The following SPC25 variants were observed in gnomAD, a reference collection of about 807,000 sequenced individuals.
SPC25 encodes the protein kinetochore protein Spc25.
In SPC25, 22 loss-of-function variants were observed where a neutral mutation model predicts 29.6. The ratio of observed to expected loss-of-function variants is 0.74; its 90% CI spans 0.53 to 1.06. The LOEUF is 1.06. Ranked by LOEUF, SPC25 falls within the 50% of genes least tolerant of loss-of-function variation. The pLI, the probability that SPC25 is intolerant of heterozygous loss-of-function variation, is 0.00. For missense variants in SPC25, 230 were observed against 255.8 expected (o/e 0.90, Z 0.69); for synonymous variants, 91 against 90.4 (o/e 1.01, Z -0.04).
chr2:168,863,916 TA>T (rs1392346610), intron 4 of SPC25, among the ~76,000 whole-genome samples: 1 of 151,516 alleles, frequency 6.6e-6, no homozygotes, highest in Non-Finnish European at 1.5e-5. Flanking sequence ...GATCTTTTTT[TA>T]TTTTTTTTTT....
At chr2:168,874,538 T>C (rs1463683384) in intron 5 of SPC25, among the ~76,000 whole-genome samples, 1 of 152,046 alleles carries the variant, frequency 6.6e-6, no homozygotes, top group Non-Finnish European at 1.5e-5. Context: ...TGTTCAGCCA[T>C]AAAATGGAAT....
chr2:168,889,361 G>A (rs1168961832), intron 2 of SPC25, 26 bp downstream of exon 2: 1 of 1,613,622 alleles, frequency 6.2e-7, no homozygotes, highest in African/African-American at 1.3e-5. Flanking sequence ...AGCAAAACCA[G>A]CATGTTACAA....
At chr2:168,861,889 A>G in intron 4 of SPC25, 1 of 1,394,356 alleles carries the variant, frequency 7.2e-7, no homozygotes, top group Admixed American at 1.9e-5. Flanking sequence ...CTGTTAAATA[A>G]CCAAAGAGCT....
intron 6 of SPC25, among the ~76,000 whole-genome samples, chr2:168,871,796 T>C (rs1689996445): frequency 1.3e-5 from 2 of 152,144 alleles, no homozygotes; most frequent in Non-Finnish European, 2.9e-5. Flanking sequence ...TTTAAACAGA[T>C]GGCACTGAAG....
chr2:168,883,125 A>T (rs1690203024), intron 3 of SPC25, among the ~76,000 whole-genome samples: 2 of 152,084 alleles, frequency 1.3e-5, no homozygotes. Context: ...TCAATGGCTA[A>T]CAAGCAAATG....
chr2:168,881,875 T>C (rs559473264), intron 3 of SPC25, among the ~76,000 whole-genome samples: 1 of 152,340 alleles, frequency 6.6e-6, no homozygotes, highest in Non-Finnish European at 1.5e-5. Context: ...TACACTATGA[T>C]ATGTTTCCCA....
downstream of SPC25, among the ~76,000 whole-genome samples, chr2:168,868,666 A>T (rs1689917590): frequency 6.6e-6 from 1 of 152,234 alleles, no homozygotes; most frequent in African/African-American, 2.4e-5. Context: ...GAAGAAGTTG[A>T]ATCTCTGAAT....
intron 3 of SPC25, 72 bp downstream of exon 3, chr2:168,889,154 C>A: frequency 7.4e-7 from 1 of 1,345,384 alleles, no homozygotes; most frequent in Non-Finnish European, 1.0e-6. Context: ...CATTGTCTTA[C>A]TTGTATGAGA....
At chr2:168,866,319 C>T (rs1161086224), downstream of SPC25, among the ~76,000 whole-genome samples, 5 of 152,410 alleles carry the variant, frequency 3.3e-5, no homozygotes, top group Non-Finnish European at 7.3e-5. Flanking sequence ...CAGAAATAAT[C>T]CCGCATATCT....
downstream of SPC25, among the ~76,000 whole-genome samples, chr2:168,867,465 A>T (rs1689887217): frequency 6.6e-6 from 1 of 152,258 alleles, no homozygotes; most frequent in African/African-American, 2.4e-5. Flanking sequence ...GTCAAGACCC[A>T]TCAGTGTGCT....
chr2:168,869,129 G>A (rs1399169957), downstream of SPC25, among the ~76,000 whole-genome samples: 15 of 152,112 alleles, frequency 9.9e-5, no homozygotes, highest in Admixed American at 3.3e-4. Context: ...CAATAGATGC[G>A]GAAAAGGCCT....
downstream of SPC25, among the ~76,000 whole-genome samples, chr2:168,868,453 A>C (rs1441163411): frequency 6.6e-6 from 1 of 151,936 alleles, no homozygotes; most frequent in Non-Finnish European, 1.5e-5. Context: ...ATTGATAGAC[A>C]GCTAGCAAGA....
intron 4 of SPC25, among the ~76,000 whole-genome samples, chr2:168,876,533 T>G (rs560494): frequency 0.82 from 123,473 of 151,430 alleles, 50,390 homozygotes; most frequent in East Asian, 0.91. Context: ...TGGGAAAATG[T>G]TCTCTTCCTT....
rs2105840534 is a variant in SPC25 at position 168,889,212 on chromosome 2, A to G, written c.199+14T>C. 1.2e-6 allele frequency: 2 copies of G among 1,607,806 alleles called. No individual in the cohort carries two copies. Among genetic ancestry groups the G allele is most frequent in the South Asian group, 2.2e-5 (2 of 89,902 alleles). On this transcript the variant is annotated intron_variant, in intron 3 of 6. Coordinates refer to ENST00000282074, the MANE Select transcript of SPC25 (RefSeq NM_020675.4). ...ATCTAAAAAAAACCCCATGATTTAT[A>G]CTTTTTCACATACGATTTTGATATT...
intron 3 of SPC25, among the ~76,000 whole-genome samples, chr2:168,882,797 C>T (rs1318873850): frequency 6.6e-6 from 1 of 152,090 alleles, no homozygotes; most frequent in Non-Finnish European, 1.5e-5. Context: ...ACACAGAATG[C>T]AGATGGCTAA....
At chr2:168,863,934 A>AGAGT (rs1553537002) in intron 4 of SPC25, among the ~76,000 whole-genome samples, 1 of 151,618 alleles carries the variant, frequency 6.6e-6, no homozygotes, top group East Asian at 1.9e-4. Flanking sequence ...TTTTTGAGGC[A>AGAGT]GAGTCTTGCT....
Position 168,889,061 on chromosome 2 carries a change from A to G in SPC25, c.199+165T>C, listed in dbSNP as rs575540435. Among the ~76,000 whole-genome samples, 9 of 49,806 alleles carry G rather than the reference A, an allele frequency of 1.8e-4. 1 individual carries two copies. Among genetic ancestry groups the G allele is most frequent in the African/African-American group, 6.8e-4 (9 of 13,252 alleles). 32.7% of individuals were successfully genotyped at this position (49,806 alleles called of 152,430 possible). On this transcript the variant is annotated intron_variant, in intron 3 of 6. Coordinates refer to ENST00000282074, the MANE Select transcript of SPC25 (RefSeq NM_020675.4). ...TATATATATACACATATATATACATATATATATACACATATATATACATAT... is the reference window on the plus strand; with the variant it reads ...TATATATATACACATATATATACATGTATATATACACATATATATACATAT...
intron 3 of SPC25, among the ~76,000 whole-genome samples, chr2:168,881,305 C>T (rs1479093115): frequency 2.0e-5 from 3 of 152,208 alleles, no homozygotes; most frequent in African/African-American, 7.2e-5. Context: ...TGCAACTACC[C>T]ACCCCTTTCT....
At chr2:168,889,124 A>G in intron 3 of SPC25, 102 bp downstream of exon 3, 1 of 852,358 alleles carries the variant, frequency 1.2e-6, no homozygotes, top group South Asian at 1.7e-5. Flanking sequence ...CAACATATAC[A>G]CACTTGTGTA....
Sources: gnomAD v4.1 joint callset for allele counts (sites outside exome capture counted in the v4.1 genomes callset) on GRCh38, gnomAD v4.1.1 for gene constraint, MANE v1.5 for transcripts, NCBI Gene and HGNC (gene_info 2026-07-23, HGNC 2026-07-21) for gene names.